Variants in PDCD11 observed in about 807,000 individuals in gnomAD.
PDCD11 encodes protein RRP5 homolog.
In PDCD11, 97 loss-of-function variants were observed where a neutral mutation model predicts 198.9. The ratio of observed to expected loss-of-function variants is 0.49; its 90% confidence interval spans 0.41 to 0.58. The LOEUF is 0.58. PDCD11 is among the 20% of genes least tolerant of loss of function. The probability of loss-of-function intolerance (pLI) is 0.00; values close to 1 mark genes in which losing one functional copy is unlikely to be tolerated. For synonymous variants in PDCD11, 893 were observed against 918.0 expected (o/e 0.97, Z 0.49); for missense variants, 2,102 against 2,312.7 (o/e 0.91, Z 1.87).
chr10:103,434,344 C>T lies in PDCD11; in HGVS notation c.3661C>T (p.Leu1221Phe). 6.2e-7 allele frequency: 1 copy of T among 1,602,546 alleles called. No individual in the cohort carries two copies. The highest frequency in any genetic ancestry group is 8.6e-7 in the Non-Finnish European group (1 of 1,169,584). The change falls in exon 24 of 36, where the codon CTC (leucine) becomes TTC (phenylalanine). Residue 1221 changes from leucine to phenylalanine, a missense_variant. By Grantham distance (22) the Leu-to-Phe change is conservative. Transcript: ENST00000369797. ...DSSKTLLCLS[L>F]TGPHKLEEGE... is the part of the protein sequence containing the mutation. ...CTCCAAGACCCTCTTATGTCTGTCC[C>T]TCACAGGTGTGGGGATGAAACAGTG...
chr10:103,445,354 T>C (rs2032562156), intron 35 of PDCD11, 24 bp from the exon 36 acceptor site: 1 of 1,613,202 alleles, frequency 6.2e-7, no homozygotes, highest in Admixed American at 1.7e-5. Flanking sequence ...GACAGGCAAA[T>C]GCCACTCTGC....
Position 103,416,625 on chromosome 10 carries a change from G to A in PDCD11, c.1653G>A (p.Arg551=). ...TGCAGACACATGGCTTCATCATCAG[G>A]GTCAAGGACTATGGCTGCATTGTGA... ...PGLQTHGFII[R]VKDYGCIVKF... Residue 551 remains arginine, a synonymous_variant, in exon 13 of 36, where the codon AGG becomes AGA. Transcript: ENST00000369797. 1 of 1,614,156 alleles carries A rather than the reference G, an allele frequency of 6.2e-7. No homozygotes were observed. The highest frequency in any genetic ancestry group is 8.5e-7 in the Non-Finnish European group (1 of 1,180,038).
intron 17 of PDCD11, among the ~76,000 whole-genome samples, chr10:103,422,060 TA>T (rs2031470368): frequency 1.6e-5 from 2 of 125,970 alleles, no homozygotes; most frequent in Admixed American, 1.5e-4. Context: ...ACAATTTTAT[TA>T]TTATTATTAT....
At chr10:103,409,978 G>T (rs2030697026) in intron 8 of PDCD11, among the ~76,000 whole-genome samples, 172 bp downstream of exon 8, 1 of 152,180 alleles carries the variant, frequency 6.6e-6, no homozygotes, top group Non-Finnish European at 1.5e-5. Flanking sequence ...GCTCATGCTT[G>T]TAATCCCAAC....
intron 8 of PDCD11, among the ~76,000 whole-genome samples, chr10:103,412,509 A>G (rs2030860440): frequency 6.6e-6 from 1 of 151,910 alleles, no homozygotes; most frequent in Admixed American, 6.6e-5. Flanking sequence ...TTTAGTAGAG[A>G]CGGGGTTTCA....
chr10:103,413,124 C>T lies in PDCD11; in HGVS notation c.987C>T (p.Ala329=). Residue 329 remains alanine (A), a synonymous_variant, in exon 9 of 36, where the codon GCC becomes GCT. Transcript: ENST00000369797. ...GTYFSNQAVR[A]CILCVHPRTR... ...CCCTTCCTTTTGTCTAGGTGAGGGC[C>T]TGCATCCTTTGCGTCCATCCTCGAA... The T allele has an allele frequency of 6.2e-7, 1 of 1,613,978 alleles. No homozygotes were observed. Among genetic ancestry groups the T allele is most frequent in the Non-Finnish European group, 8.5e-7 (1 of 1,179,986 alleles).
chr10:103,403,357 G>A, intron 4 of PDCD11, 72 bp downstream of exon 4: 2 of 1,436,060 alleles, frequency 1.4e-6, no homozygotes, highest in South Asian at 2.5e-5. Flanking sequence ...TTACAACTTT[G>A]CCAGGTGCTA....
intron 20 of PDCD11, among the ~76,000 whole-genome samples, chr10:103,427,102 T>C (rs2031728608): frequency 6.7e-6 from 1 of 149,970 alleles, no homozygotes; most frequent in Non-Finnish European, 1.5e-5. Flanking sequence ...GAGTGAGACC[T>C]TGTCCCAGAA....
chr10:103,406,291 G>GT, intron 6 of PDCD11, among the ~76,000 whole-genome samples, 183 bp downstream of exon 6: 1 of 152,198 alleles, frequency 6.6e-6, no homozygotes, highest in East Asian at 1.9e-4. Context: ...CCAGCGAGTG[G>GT]TAAGGTCTCA....
At chr10:103,432,283 A>C in intron 22 of PDCD11, 49 bp downstream of exon 22, 1 of 1,300,744 alleles carries the variant, frequency 7.7e-7, no homozygotes, top group Non-Finnish European at 1.1e-6. Context: ...TCTTTCAGAA[A>C]AAAGGTCATG....
chr10:103,441,911 C>T lies in PDCD11; in HGVS notation c.4643C>T (p.Pro1548Leu), dbSNP rs376974454. 30 of 1,614,054 alleles carry T rather than the reference C, an allele frequency of 1.9e-5. No individual in the cohort carries two copies. The highest frequency in any genetic ancestry group is 2.4e-5 in the Non-Finnish European group (28 of 1,180,010). ...AWNVGLDSLT[P>L]ALPPLAESSD... ...AATGTGGGACTAGACTCTCTGACCC[C>T]GGCCTTGCCACCTCTAGCAGAGAGC... The change falls in exon 31 of 36, where the codon CCG becomes CTG. Residue 1548 changes from proline (P) to leucine (L), a missense_variant. Physicochemically the swap from Pro to Leu is moderately conservative, Grantham distance 98 (BLOSUM62 -3). Coordinates refer to ENST00000369797, the MANE Select transcript of PDCD11 (RefSeq NM_014976.2).
At position 103,434,880 on chromosome 10, in the gene PDCD11, C is replaced by G; in HGVS notation, c.3750C>G (p.Phe1250Leu). 6.2e-7 allele frequency: 1 copy of G among 1,613,266 alleles called. No individual in the cohort carries two copies. Among genetic ancestry groups the G allele is most frequent in the East Asian group, 2.2e-5 (1 of 44,760 alleles). ...VTPNEGLTVSFPFGKIGTVSI... is the reference protein window; with the variant it reads ...VTPNEGLTVSLPFGKIGTVSI... ...CCAACGAGGGGCTGACCGTCTCCTT[C>G]CCCTTTGGGAAGATAGGAACAGTCA... The change falls in exon 25 of 36, where the codon TTC becomes TTG. Residue 1250 changes from phenylalanine to leucine, a missense_variant. Phe to Leu is a conservative substitution (Grantham distance 22, BLOSUM62 0). Coordinates refer to ENST00000369797, the MANE Select transcript of PDCD11 (RefSeq NM_014976.2).
chr10:103,405,506 G>A (rs2030394105), intron 5 of PDCD11: 1 of 232,950 alleles, frequency 4.3e-6, no homozygotes. Context: ...CTGGGTTTAA[G>A]CAATTCTTCT....
rs748942593 is a variant in PDCD11 at position 103,406,704 on chromosome 10, G to T, written c.784G>T (p.Val262Phe). The T allele has an allele frequency of 1.9e-6, 3 of 1,614,148 alleles. No homozygotes were observed. Among genetic ancestry groups the T allele is most frequent in the Admixed American group, 1.7e-5 (1 of 60,022 alleles). Residue 262 changes from valine (V) to phenylalanine (F), a missense_variant, in exon 7 of 36, where the codon GTT (valine) becomes TTT (phenylalanine). Coordinates refer to ENST00000369797, the MANE Select transcript of PDCD11 (RefSeq NM_014976.2). ...VVSLSVGHSEVSTAIATEQQS... is the reference protein window; with the variant it reads ...VVSLSVGHSEFSTAIATEQQS... ...TAGTCTGTCTGTTGGTCACTCAGAG[G>T]TTTCTACGGCCATTGCTACTGAACA...
In PDCD11 at chr10:103,438,698, G is replaced by A. The variant is rs2032253799; in HGVS notation, c.3915G>A (p.Glu1305=). 6.2e-7 allele frequency: 1 copy of A among 1,614,082 alleles called. No individual in the cohort carries two copies. Among genetic ancestry groups the A allele is most frequent in the African/African-American group, 1.3e-5 (1 of 74,930 alleles). Residue 1305 remains glutamate, a synonymous_variant, in exon 27 of 36, where the codon GAG becomes GAA. Coordinates refer to ENST00000369797, the MANE Select transcript of PDCD11 (RefSeq NM_014976.2). ...LSLRSSRTNP[E]TKSKVEDPEI... The stretch of plus-strand genomic sequence containing the variant: ...TTTATTCCTTTAGAACAAACCCGGA[G>A]ACGAAAAGCAAAGTAGAAGATCCAG...
intron 22 of PDCD11, among the ~76,000 whole-genome samples, chr10:103,432,812 C>T (rs953236136): frequency 6.6e-6 from 1 of 152,198 alleles, no homozygotes; most frequent in African/African-American, 2.4e-5. Flanking sequence ...GACATTCATA[C>T]ACCCCAGATG....
chr10:103,407,052 C>G (rs1438698185), intron 7 of PDCD11, among the ~76,000 whole-genome samples: 1 of 152,198 alleles, frequency 6.6e-6, no homozygotes, highest in African/African-American at 2.4e-5. Flanking sequence ...ACTTGTGTGA[C>G]TGACATTGTA....
In PDCD11 at chr10:103,426,874, C is replaced by G. The variant is rs192479575; in HGVS notation, c.3306-455C>G. On this transcript the variant is annotated intron_variant, in intron 20 of 35. Transcript: ENST00000369797. ...TGGGACGATGAGGGAGGTGGAAAACCTGAGCCCAGGAGTTCAAGACCTGCC... is the reference window on the plus strand; with the variant it reads ...TGGGACGATGAGGGAGGTGGAAAACGTGAGCCCAGGAGTTCAAGACCTGCC... Among the ~76,000 whole-genome samples the G allele has an allele frequency of 3.0e-4, 45 of 151,354 alleles. No homozygotes were observed. In the East Asian group the frequency reaches 8.3e-3, roughly 28 times the overall value.
chr10:103,439,082 A>T (rs1297322834), intron 27 of PDCD11, among the ~76,000 whole-genome samples: 1 of 152,192 alleles, frequency 6.6e-6, no homozygotes, highest in Non-Finnish European at 1.5e-5. Context: ...CATGCCTGGA[A>T]TCCTAGCGCT....
Sources: gnomAD v4.1 joint callset for allele counts (sites outside exome capture counted in the v4.1 genomes callset) on GRCh38, gnomAD v4.1.1 for gene constraint, MANE v1.5 for transcripts, NCBI Gene and HGNC (gene_info 2026-07-23, HGNC 2026-07-21) for gene names.